Variants in RANBP2 observed in about 807,000 individuals in gnomAD.
The protein encoded by RANBP2 is E3 SUMO-protein ligase RanBP2.
A neutral mutation model predicts 303.6 loss-of-function variants in RANBP2; 57 were observed. The ratio of observed to expected loss-of-function variants is 0.19; its 90% CI spans 0.15 to 0.23. The LOEUF (loss-of-function observed/expected upper bound fraction) is 0.23, where lower values mean the gene tolerates loss of function less well. Ranked by LOEUF, RANBP2 falls within the 10% of genes least tolerant of loss-of-function variation. RANBP2 has a pLI of 1.00. For synonymous variants in RANBP2, 1,167 were observed against 1,301.5 expected (o/e 0.90, Z 2.23); for missense variants, 3,138 against 3,780.8 (o/e 0.83, Z 4.46).
At chr2:108,846,982 CAT>C in the RANBP2 span, 1 of 994,322 alleles carries the variant, frequency 1.0e-6, no homozygotes, top group Admixed American at 2.2e-5. Flanking sequence ...TAGAGAATAT[CAT>C]ATATTAAAGC....
At chr2:109,441,550 A>G in the RANBP2 span, among the ~76,000 whole-genome samples, 1 of 152,262 alleles carries the variant, frequency 6.6e-6, no homozygotes, top group Non-Finnish European at 1.5e-5. Context: ...TCCGTGAGCA[A>G]TGGGACAACT....
the RANBP2 span, among the ~76,000 whole-genome samples, chr2:109,558,148 A>T: frequency 6.6e-6 from 1 of 152,208 alleles, no homozygotes; most frequent in Non-Finnish European, 1.5e-5. Flanking sequence ...ACTGATTTAA[A>T]GTTGAAAACT....
At chr2:109,357,208 G>A in the RANBP2 span, among the ~76,000 whole-genome samples, 1 of 151,036 alleles carries the variant, frequency 6.6e-6, no homozygotes, top group Non-Finnish European at 1.5e-5. Flanking sequence ...TTGAGACGGA[G>A]TCTTACTCTG....
the RANBP2 span, among the ~76,000 whole-genome samples, chr2:109,339,663 G>T: frequency 1.2e-4 from 19 of 152,186 alleles, no homozygotes; most frequent in Admixed American, 1.2e-3. Flanking sequence ...TTTTCAAGGT[G>T]CCTGGTGGCT....
At chr2:109,265,437 C>A in the RANBP2 span, among the ~76,000 whole-genome samples, 18 of 152,216 alleles carry the variant, frequency 1.2e-4, no homozygotes, top group African/African-American at 4.3e-4. Context: ...TAAGCCCCAC[C>A]CTGACAGTGA....
the RANBP2 span, among the ~76,000 whole-genome samples, chr2:109,527,643 G>A: frequency 5.9e-5 from 9 of 152,270 alleles, no homozygotes; most frequent in Admixed American, 6.5e-5. Flanking sequence ...TTTTAGTCAC[G>A]TCAGGTGTTA....
chr2:109,539,190 C>T, the RANBP2 span, among the ~76,000 whole-genome samples: 54 of 151,984 alleles, frequency 3.6e-4, no homozygotes, highest in East Asian at 2.7e-3. Context: ...CCCAACTATT[C>T]GGAAGGCTGG....
chr2:109,345,374 A>G, the RANBP2 span, among the ~76,000 whole-genome samples: 1 of 152,234 alleles, frequency 6.6e-6, no homozygotes, highest in African/African-American at 2.4e-5. Flanking sequence ...CCGGCCGCAG[A>G]AGGGAGTGCA....
At chr2:108,822,488 A>G in the RANBP2 span, among the ~76,000 whole-genome samples, 1 of 152,216 alleles carries the variant, frequency 6.6e-6, no homozygotes, top group Non-Finnish European at 1.5e-5. Flanking sequence ...ACCCAACAAC[A>G]GCAGATGATA....
At chr2:108,795,361 G>A in the RANBP2 span, among the ~76,000 whole-genome samples, 3 of 151,982 alleles carry the variant, frequency 2.0e-5, no homozygotes, top group African/African-American at 7.3e-5. Context: ...TCACCATGTT[G>A]GCTAGGCTGG....
At chr2:109,192,161 C>A in the RANBP2 span, among the ~76,000 whole-genome samples, 3 of 152,116 alleles carry the variant, frequency 2.0e-5, no homozygotes, top group South Asian at 6.2e-4. Flanking sequence ...GAGAGCGGTT[C>A]GGTTCTACAT....
chr2:109,189,740 C>A, the RANBP2 span, among the ~76,000 whole-genome samples: 7,290 of 152,254 alleles, frequency 0.048, 457 homozygotes, highest in East Asian at 0.32. Flanking sequence ...AGGTTTGCAT[C>A]ATTATCTGCA....
the RANBP2 span, chr2:108,931,085 G>T: frequency 6.7e-7 from 1 of 1,502,642 alleles, no homozygotes; most frequent in Non-Finnish European, 9.3e-7. Flanking sequence ...CCAGCCGGGG[G>T]TCTGGCTACC....
At chr2:109,183,044 G>C in the RANBP2 span, among the ~76,000 whole-genome samples, 1 of 152,130 alleles carries the variant, frequency 6.6e-6, no homozygotes, top group Admixed American at 6.5e-5. Context: ...GTATTTTCTA[G>C]TCGTTTTTAT....
In RANBP2 at chr2:108,764,339, A is replaced by G; in HGVS notation, c.3800A>G (p.His1267Arg). The G allele has an allele frequency of 6.2e-7, 1 of 1,613,824 alleles. No homozygotes were observed. Among genetic ancestry groups the G allele is most frequent in the Non-Finnish European group, 8.5e-7 (1 of 1,179,984 alleles). The change falls in exon 20 of 29, where the codon CAT becomes CGT. Residue 1267 changes from histidine (H) to arginine (R), a missense_variant. Physicochemically the swap from His to Arg is conservative, Grantham distance 29 (BLOSUM62 0). Coordinates refer to ENST00000283195, the MANE Select transcript of RANBP2 (RefSeq NM_006267.5). ...NAGSDRSFVW[H>R]ALDYADELPK... ...GGATCAGACAGATCTTTTGTATGGC[A>G]TGCCCTTGATTATGCAGATGAGTTG...
chr2:109,201,850 C>T, the RANBP2 span, among the ~76,000 whole-genome samples: 1 of 152,232 alleles, frequency 6.6e-6, no homozygotes, highest in Admixed American at 6.5e-5. Context: ...GCCCTCCCTC[C>T]AGGGAGAATT....
chr2:108,996,124 G>A, the RANBP2 span, among the ~76,000 whole-genome samples: 29 of 152,354 alleles, frequency 1.9e-4, no homozygotes, highest in African/African-American at 7.0e-4. Flanking sequence ...GAAATGAAGT[G>A]TTGACTAACT....
chr2:108,957,018 G>C, the RANBP2 span, among the ~76,000 whole-genome samples: 14 of 152,180 alleles, frequency 9.2e-5, no homozygotes, highest in African/African-American at 3.4e-4. Flanking sequence ...TCAAACTCCC[G>C]ACCTCAGGTG....
At chr2:108,812,105 C>T in the RANBP2 span, among the ~76,000 whole-genome samples, 149 of 152,072 alleles carry the variant, frequency 9.8e-4, no homozygotes, top group African/African-American at 3.4e-3. Context: ...TTGAAAACTA[C>T]AAAACATTAT....
Sources: allele counts gnomAD v4.1 joint callset (sites outside exome capture counted in the v4.1 genomes callset), GRCh38; gene constraint gnomAD v4.1.1; transcripts MANE v1.5; gene names NCBI Gene and HGNC (gene_info 2026-07-23, HGNC 2026-07-21).